NR2E1: variants seen among roughly 807,000 people sequenced by gnomAD.
The protein encoded by NR2E1 is nuclear receptor subfamily 2 group E member 1, also known as nuclear receptor TLX.
Under a neutral mutation model 43.6 loss-of-function variants are expected in NR2E1, and 5 were observed. The ratio of observed to expected loss-of-function variants is 0.11; its 90% confidence interval spans 0.06 to 0.24. The LOEUF (loss-of-function observed/expected upper bound fraction) is 0.24. NR2E1 is among the 10% of genes least tolerant of loss of function. The pLI is 1.00. For missense variants in NR2E1, 287 were observed against 496.7 expected (o/e 0.58, Z 4.01); for synonymous variants, 191 against 195.5 (o/e 0.98, Z 0.19).
At chr6:108,176,286 C>CT (rs929563491) in intron 3 of NR2E1, 37 of 595,258 alleles carry the variant, frequency 6.2e-5, no homozygotes, top group African/African-American at 5.2e-4. Flanking sequence ...GCACGGGCCC[C>CT]TCTTCTAAGC....
At chr6:108,170,521 G>A (rs772170093) in intron 1 of NR2E1, among the ~76,000 whole-genome samples, 5 of 151,634 alleles carry the variant, frequency 3.3e-5, no homozygotes, top group Admixed American at 2.0e-4. Context: ...AGGCTTGAGG[G>A]GATTCCAGGG....
At chr6:108,172,553 G>C (rs951819891) in intron 2 of NR2E1, among the ~76,000 whole-genome samples, 2 of 152,158 alleles carry the variant, frequency 1.3e-5, no homozygotes, top group Admixed American at 1.3e-4. Flanking sequence ...CCTTATCAGC[G>C]ACTCAGACCC....
Position 108,166,875 on chromosome 6 carries a change from G to A in NR2E1, c.25+85G>A, listed in dbSNP as rs1582438942. ...GAGGCTGGGGGAGGTCCTGCCTGGAGCGCTGCGAATCTGAGCCCCTGAGAG... is the reference window on the plus strand; with the variant it reads ...GAGGCTGGGGGAGGTCCTGCCTGGAACGCTGCGAATCTGAGCCCCTGAGAG... On this transcript the variant is annotated intron_variant, in intron 1 of 8. Coordinates refer to ENST00000368986, the MANE Select transcript of NR2E1 (RefSeq NM_003269.5). The surrounding 1 kb of genome is among the most constrained non-coding windows in gnomAD (Gnocchi z 7.2). 2.2e-6 allele frequency: 3 copies of A among 1,391,546 alleles called. No homozygotes were observed. The highest frequency in any genetic ancestry group is 3.0e-6 in the Non-Finnish European group (3 of 1,009,628). The allele number at this position is 1,391,546 out of a possible 1,614,324, so 86.2% of individuals were successfully genotyped here.
rs950046004 is a variant in NR2E1 at position 108,169,177 on chromosome 6, C to G, written c.26-2281C>G. Among the ~76,000 whole-genome samples the G allele has an allele frequency of 2.6e-5, 4 of 152,144 alleles. No homozygotes were observed. The highest frequency in any genetic ancestry group is 4.4e-5 in the Non-Finnish European group (3 of 68,018). On this transcript the variant is annotated intron_variant, in intron 1 of 8. Transcript: ENST00000368986. The surrounding 1 kb of genome is among the most constrained non-coding windows in gnomAD (Gnocchi z 6.1). ...TCTGAGGCACAGGCCCGCTATGCCC[C>G]GGAATTTTCGCGTCCCTCCCTCCTG... is the stretch of plus-strand genomic sequence containing the variant.
rs769219888 is a variant in NR2E1 at position 108,181,570 on chromosome 6, T to C, written c.914T>C (p.Leu305Pro). ...GTTCCTACACATAGTGGTTCTGAAC[T>C]GAGAAGTTTCCGGAATGCTGCCGCC... The part of the protein sequence containing the change: ...KAVPTHSGSE[L>P]RSFRNAAAIA... The change falls in exon 8 of 9, where the codon CTG (leucine) becomes CCG (proline). Residue 305 changes from leucine (L) to proline (P), a missense_variant. This residue lies in a region of NR2E1 where 119 missense variants were observed against 187.0 expected (regional missense o/e 0.64). Coordinates refer to ENST00000368986, the MANE Select transcript of NR2E1 (RefSeq NM_003269.5). The C allele has an allele frequency of 3.7e-6, 6 of 1,614,154 alleles. No individual in the cohort carries two copies. Among genetic ancestry groups the C allele is most frequent in the Admixed American group, 1.7e-5 (1 of 60,024 alleles).
intron 8 of NR2E1, 111 bp from the exon 9 acceptor site, chr6:108,187,190 T>C: frequency 1.6e-6 from 2 of 1,281,834 alleles, no homozygotes; most frequent in Non-Finnish European, 2.3e-6. Flanking sequence ...TACTGTGTTA[T>C]TCAAGAGACC....
At chr6:108,174,725 C>T (rs1230630605) in intron 2 of NR2E1, 111 bp from the exon 3 acceptor site, 1 of 840,924 alleles carries the variant, frequency 1.2e-6, no homozygotes, top group East Asian at 2.6e-5. Context: ...GGCTCCAGGG[C>T]CTGCGGCCGG....
Position 108,168,036 on chromosome 6 carries a change from G to T in NR2E1, c.25+1246G>T, listed in dbSNP as rs956574269. On this transcript the variant is annotated intron_variant, in intron 1 of 8. Transcript: ENST00000368986. ...AAAAAGAAAAGGAGAAATGTTTCGA[G>T]CTGGGGCAGAGGGAGCAGAGAAGGA... is the stretch of plus-strand genomic sequence containing the variant. 5 of 1,597,976 alleles carry T rather than the reference G, an allele frequency of 3.1e-6. No homozygotes were observed. The East Asian group carries it at 6.8e-5, about 22-fold the overall frequency.
At chr6:108,185,408 A>ACG (rs1293280692) in intron 8 of NR2E1, among the ~76,000 whole-genome samples, 15 of 98,472 alleles carry the variant, frequency 1.5e-4, no homozygotes, top group South Asian at 6.0e-4. Context: ...GCACACACAC[A>ACG]TACACACACA....
At chr6:108,186,299 T>C (rs1774074084) in intron 8 of NR2E1, among the ~76,000 whole-genome samples, 1 of 148,786 alleles carries the variant, frequency 6.7e-6, no homozygotes, top group Non-Finnish European at 1.5e-5. Flanking sequence ...TTGTATTCTG[T>C]GGAAGTGAAG....
At position 108,174,858 on chromosome 6, in the gene NR2E1, C is replaced by A; in HGVS notation, c.194C>A (p.Thr65Lys). 2 of 1,614,098 alleles carry A rather than the reference C, an allele frequency of 1.2e-6. No homozygotes were observed. The highest frequency in any genetic ancestry group is 1.7e-6 in the Non-Finnish European group (2 of 1,179,998). Residue 65 changes from threonine to lysine, a missense_variant, in exon 3 of 9, where the codon ACG becomes AAG. This residue lies in a region of NR2E1 where 46 missense variants were observed against 132.3 expected (regional missense o/e 0.35). Coordinates refer to ENST00000368986, the MANE Select transcript of NR2E1 (RefSeq NM_003269.5). The part of the protein sequence containing the change: ...GNQGGCPVDK[T>K]HRNQCRACRL... ...CAGGGAGGCTGTCCGGTGGACAAGA[C>A]GCACAGAAACCAGTGCAGGGCGTGT...
At chr6:108,168,806 G>A (rs2235997) in intron 1 of NR2E1, 67,275 of 152,300 alleles carry the variant, frequency 0.44, 15,232 homozygotes, top group Non-Finnish European at 0.51. Flanking sequence ...CGCCTTGCCC[G>A]GCTTCTCGCG....
At chr6:108,171,851 T>A (rs569417105) in intron 2 of NR2E1, among the ~76,000 whole-genome samples, 165 of 152,288 alleles carry the variant, frequency 1.1e-3, no homozygotes, top group African/African-American at 3.3e-3. Flanking sequence ...TACACTTTTT[T>A]AAATTATTAT....
intron 8 of NR2E1, among the ~76,000 whole-genome samples, chr6:108,185,413 C>T (rs12197011): frequency 6.5e-5 from 3 of 45,890 alleles, no homozygotes; most frequent in African/African-American, 1.1e-4. Flanking sequence ...CACACATACA[C>T]ACACACACAC....
chr6:108,179,249 C>A (rs560558016), intron 5 of NR2E1: 2 of 152,110 alleles, frequency 1.3e-5, no homozygotes, highest in South Asian at 4.1e-4. Context: ...TATTGTTTAC[C>A]TTGCATTTTA....
chr6:108,166,330 C>T lies in NR2E1; in HGVS notation c.-436C>T, dbSNP rs1251262229. 5.7e-6 allele frequency: 1 copy of T among 175,650 alleles called. No homozygotes were observed. Among genetic ancestry groups the T allele is most frequent in the Non-Finnish European group, 1.2e-5 (1 of 85,368 alleles). 10.9% of individuals were successfully genotyped at this position (175,650 alleles called of 1,614,324 possible). ...CAGAGATTGCCCACACTCTGCATGC[C>T]TATGTAGAGGGAGAGATCGAAGACT... On this transcript the variant is annotated 5_prime_UTR_variant, in exon 1 of 9. Coordinates refer to ENST00000368986, the MANE Select transcript of NR2E1 (RefSeq NM_003269.5). This position sits in a 1 kb window ranked among gnomAD's most constrained non-coding sequence, Gnocchi z 7.2.
intron 1 of NR2E1, among the ~76,000 whole-genome samples, chr6:108,168,381 AGCCCCTGGGGCCCTTGAAAGGTGAG>A (rs1006925084): frequency 6.6e-6 from 1 of 152,160 alleles, no homozygotes; most frequent in African/African-American, 2.4e-5. Flanking sequence ...CGGGGTGTGG[AGCCCCTGGGGCCCTTGAAAGGTGAG>A]GCCTCAGAGG....
chr6:108,176,466 T>C, intron 3 of NR2E1, 37 bp from the exon 4 acceptor site: 5 of 1,601,170 alleles, frequency 3.1e-6, no homozygotes, highest in Non-Finnish European at 3.4e-6. Flanking sequence ...TCGACGTCTC[T>C]AATCGCCGGC....
chr6:108,176,606 C>T lies in NR2E1; in HGVS notation c.363C>T (p.Pro121=). The change falls in exon 4 of 9, where the codon CCC becomes CCT. Residue 121 remains proline (P), a synonymous_variant. Transcript: ENST00000368986. ...AGAACGGGGCCGCCGCGCACTTTCCCTCGGCGGCGCTCCCTGCGCCGGCCT... is the reference window on the plus strand; with the variant it reads ...AGAACGGGGCCGCCGCGCACTTTCCTTCGGCGGCGCTCCCTGCGCCGGCCT... ...KEENGAAAHF[P]SAALPAPAFF... is the part of the protein sequence containing the mutation. The T allele has an allele frequency of 6.2e-7, 1 of 1,612,334 alleles. No individual in the cohort carries two copies. The highest frequency in any genetic ancestry group is 8.5e-7 in the Non-Finnish European group (1 of 1,179,806).
Sources: gnomAD v4.1 joint callset for allele counts (sites outside exome capture counted in the v4.1 genomes callset) on GRCh38, gnomAD v4.1.1 for gene constraint, gnomAD v4.1.1 regional missense constraint, Gnocchi (gnomAD v3.1) non-coding constraint, MANE v1.5 for transcripts, NCBI Gene and HGNC (gene_info 2026-07-23, HGNC 2026-07-21) for gene names.